DGKH: variants seen among roughly 807,000 people sequenced by gnomAD.
The protein encoded by DGKH is diacylglycerol kinase eta, also known as DAG kinase eta.
In DGKH, 90 loss-of-function variants were observed where a neutral mutation model predicts 159.3. The observed-to-expected ratio is 0.57, with a 90% confidence interval of 0.48 to 0.67. The LOEUF is 0.67. Among genes scored for constraint, DGKH ranks in the 30% least tolerant of loss-of-function variants. The pLI is 0.00. For missense variants in DGKH, 1,181 were observed against 1,506.1 expected (o/e 0.78, Z 3.57); for synonymous variants, 536 against 553.8 (o/e 0.97, Z 0.45).
chr13:42,183,355 G>T (rs1283807185), intron 13 of DGKH, among the ~76,000 whole-genome samples: 1 of 151,128 alleles, frequency 6.6e-6, no homozygotes, highest in Non-Finnish European at 1.5e-5. Flanking sequence ...ACTGAGGCAT[G>T]ACATATACAG....
At chr13:42,046,073 A>G (rs768120597), upstream of DGKH, among the ~76,000 whole-genome samples, 6 of 152,218 alleles carry the variant, frequency 3.9e-5, no homozygotes, top group Admixed American at 6.5e-5. Flanking sequence ...GTGTCTACAC[A>G]GCTTATGTTG....
intron 1 of DGKH, among the ~76,000 whole-genome samples, chr13:42,096,460 T>A (rs1007320828): frequency 1.3e-5 from 2 of 152,252 alleles, no homozygotes; most frequent in African/African-American, 4.8e-5. Context: ...GTGGTGTATA[T>A]GTACCACATT....
chr13:42,051,367 G>A (rs1166027676), intron 1 of DGKH, among the ~76,000 whole-genome samples: 2 of 152,100 alleles, frequency 1.3e-5, no homozygotes, highest in South Asian at 2.1e-4. Flanking sequence ...CTCATACCCC[G>A]CCTCCTGCAA....
chr13:42,203,989 A>G (rs1334880599), intron 20 of DGKH, among the ~76,000 whole-genome samples: 2 of 152,176 alleles, frequency 1.3e-5, no homozygotes, highest in African/African-American at 4.8e-5. Context: ...TATTTTTCCT[A>G]TGAGACTCTA....
At chr13:42,249,279 T>TGGGAGGACCGATTGAGCCC (rs1259243225) in intron 29 of DGKH, among the ~76,000 whole-genome samples, 23 of 152,004 alleles carry the variant, frequency 1.5e-4, no homozygotes, top group Admixed American at 6.5e-4. Context: ...GAGGCTAAGG[T>TGGGAGGACCGATTGAGCCC]GGGAGGACCG....
chr13:42,062,000 T>TGTGTGTGTGTGTGTGTGC (rs1360396397), intron 1 of DGKH, among the ~76,000 whole-genome samples: 2 of 151,816 alleles, frequency 1.3e-5, no homozygotes, highest in Admixed American at 1.3e-4. Context: ...TGTGTGTGTG[T>TGTGTGTGTGTGTGTGTGC]GTGTGTGTGT....
chr13:42,150,560 G>A (rs897185762), intron 3 of DGKH, among the ~76,000 whole-genome samples: 1 of 152,146 alleles, frequency 6.6e-6, no homozygotes, highest in Non-Finnish European at 1.5e-5. Flanking sequence ...AAGATGCTGC[G>A]GAAGTAATCC....
chr13:42,183,824 C>G (rs1956837624), intron 13 of DGKH, among the ~76,000 whole-genome samples: 1 of 152,200 alleles, frequency 6.6e-6, no homozygotes. Context: ...TTGTCTTTAG[C>G]TACAATGTAT....
intron 3 of DGKH, among the ~76,000 whole-genome samples, chr13:42,135,507 A>AAAAAAAAAAAAAAAAAAAAAAT (rs71096557): frequency 8.8e-6 from 1 of 113,404 alleles, no homozygotes; most frequent in Admixed American, 1.1e-4. Flanking sequence ...AAAAAAAAAA[A>AAAAAAAAAAAAAAAAAAAAAAT]AGAGAGAGAG....
intron 12 of DGKH, among the ~76,000 whole-genome samples, chr13:42,176,288 C>A (rs1956601877): frequency 6.6e-6 from 1 of 152,040 alleles, no homozygotes; most frequent in African/African-American, 2.4e-5. Context: ...ATATTTTCTA[C>A]CCTGCAGGGA....
intron 3 of DGKH, among the ~76,000 whole-genome samples, chr13:42,135,110 G>T (rs968049632): frequency 1.3e-5 from 2 of 152,106 alleles, no homozygotes; most frequent in Non-Finnish European, 2.9e-5. Flanking sequence ...TACTAACAAT[G>T]AAAGTATTTT....
In DGKH at chr13:42,159,263, T is replaced by TTTTTTTTTTTTTTTTTAA; in HGVS notation, c.623-3_623-2insTTTTTTTTTTTTTTTTAA. Reference sequence around the variant, plus strand: ...GTTGCTCTTTTTTTTTTTTTTTTTTTAGTGTGTAAATTCAAGGCTCACAAA... The same window carrying TTTTTTTTTTTTTTTTTAA: ...GTTGCTCTTTTTTTTTTTTTTTTTTTTTTTTTTTTTTTTTTTAAAGTGTGTAAATTCAAGGCTCACAAA... On this transcript the variant is annotated splice_polypyrimidine_tract_variant and splice_region_variant and intron_variant, in intron 5 of 29. Transcript: ENST00000337343. The TTTTTTTTTTTTTTTTTAA allele has an allele frequency of 1.0e-5, 13 of 1,249,714 alleles. No homozygotes were observed. Among genetic ancestry groups the TTTTTTTTTTTTTTTTTAA allele is most frequent in the South Asian group, 1.4e-5 (1 of 72,782 alleles). The allele number at this position is 1,249,714 out of a possible 1,614,324, so 77.4% of individuals were successfully genotyped here. A position where few individuals can be genotyped will look rare whatever the true frequency, so the allele number is the denominator to read the frequency against.
At chr13:42,201,539 T>C (rs1957346617) in intron 20 of DGKH, among the ~76,000 whole-genome samples, 1 of 152,200 alleles carries the variant, frequency 6.6e-6, no homozygotes, top group African/African-American at 2.4e-5. Flanking sequence ...AGTAACCTCT[T>C]GTACTGGTGT....
chr13:42,123,156 G>A (rs1955107786), intron 1 of DGKH, among the ~76,000 whole-genome samples: 1 of 152,102 alleles, frequency 6.6e-6, no homozygotes, highest in Non-Finnish European at 1.5e-5. Flanking sequence ...ATATGGAGGT[G>A]CCTCTTTATG....
At chr13:42,156,514 C>G (rs930550972) in intron 5 of DGKH, among the ~76,000 whole-genome samples, 1 of 152,060 alleles carries the variant, frequency 6.6e-6, no homozygotes, top group African/African-American at 2.4e-5. Context: ...GAGGCATGAG[C>G]AAATTTGTGA....
chr13:42,143,315 G>A (rs1955622534), intron 3 of DGKH, among the ~76,000 whole-genome samples: 1 of 152,156 alleles, frequency 6.6e-6, no homozygotes, highest in African/African-American at 2.4e-5. Context: ...TTTTATTGGG[G>A]ATTTTTGCAT....
chr13:42,215,232 T>A (rs974829269), intron 25 of DGKH, among the ~76,000 whole-genome samples: 9 of 151,826 alleles, frequency 5.9e-5, no homozygotes, highest in African/African-American at 2.2e-4. Flanking sequence ...AAGATAATAG[T>A]CTAAAAAGCA....
chr13:42,193,632 T>G (rs1019080034), intron 16 of DGKH, among the ~76,000 whole-genome samples: 1 of 152,214 alleles, frequency 6.6e-6, no homozygotes, highest in Non-Finnish European at 1.5e-5. Flanking sequence ...TCAGTCTTAG[T>G]CATTAGTACG....
chr13:42,120,478 A>G (rs1955047073), intron 1 of DGKH, among the ~76,000 whole-genome samples: 3 of 152,232 alleles, frequency 2.0e-5, no homozygotes, highest in African/African-American at 4.8e-5. Context: ...ATTATTAACT[A>G]CTGCTGAAAA....
Sources: gnomAD v4.1 joint callset for allele counts (sites outside exome capture counted in the v4.1 genomes callset) on GRCh38, gnomAD v4.1.1 for gene constraint, MANE v1.5 for transcripts, NCBI Gene and HGNC (gene_info 2026-07-23, HGNC 2026-07-21) for gene names.